Variants in KRR1 observed in about 807,000 individuals in gnomAD.
KRR1 encodes the protein KRR1 small subunit processome component homolog.
A neutral mutation model predicts 50.0 loss-of-function variants in KRR1; 23 were observed. The ratio of observed to expected loss-of-function variants is 0.46; its 90% CI spans 0.33 to 0.65. The LOEUF (loss-of-function observed/expected upper bound fraction) is 0.65. KRR1 is among the 30% of genes least tolerant of loss of function. The pLI is 0.02. For synonymous variants in KRR1, 133 were observed against 146.3 expected, an observed-to-expected ratio of 0.91 and a Z score of 0.66; for missense variants, 419 against 442.4, an observed-to-expected ratio of 0.95 and a Z score of 0.47.
Position 75,498,788 on chromosome 12 carries a change from C to T in KRR1, c.*1021G>A, listed in dbSNP as rs766627075. Reference sequence around the variant, plus strand: ...AATTCTGTCAGTGCATTATGAGGAACAATGTCTAAGAGGATATTCTATGTT... The same window carrying T: ...AATTCTGTCAGTGCATTATGAGGAATAATGTCTAAGAGGATATTCTATGTT... On this transcript the variant is annotated 3_prime_UTR_variant, in exon 10 of 10. Transcript: ENST00000229214. 2.5e-6 allele frequency: 4 copies of T among 1,609,714 alleles called. No individual in the cohort carries two copies. In the South Asian group the frequency reaches 3.3e-5, roughly 13 times the overall value.
At chr12:75,508,184 A>T in intron 2 of KRR1, 90 bp downstream of exon 2, 1 of 760,500 alleles carries the variant, frequency 1.3e-6, no homozygotes, top group Non-Finnish European at 1.9e-6. Flanking sequence ...GCACCATTAA[A>T]AAAAAAAAAA....
chr12:75,507,588 A>G (rs1185816074), intron 2 of KRR1, among the ~76,000 whole-genome samples: 4 of 152,194 alleles, frequency 2.6e-5, no homozygotes, highest in African/African-American at 9.7e-5. Context: ...AGATGCAGCT[A>G]CAAAACACAA....
In KRR1 at chr12:75,497,652, G is replaced by A. The variant is rs2046359355; in HGVS notation, c.*2157C>T. ...TGAAGGTAAAGGTTAGAGGATAAAA[G>A]CTTTTATTTAACAGATTCCTTCTCA... On this transcript the variant is annotated 3_prime_UTR_variant, in exon 10 of 10. Coordinates refer to ENST00000229214, the MANE Select transcript of KRR1 (RefSeq NM_007043.7). The A allele has an allele frequency of 6.6e-6, 1 of 152,156 alleles. No individual in the cohort carries two copies. The highest frequency in any genetic ancestry group is 2.1e-4 in the South Asian group (1 of 4,832). The allele number at this position is 152,156 out of a possible 1,614,324, so 9.4% of individuals were successfully genotyped here. A position where few individuals can be genotyped will look rare whatever the true frequency, so the allele number is the denominator to read the frequency against.
In KRR1 at chr12:75,499,705, A is replaced by C; in HGVS notation, c.*104T>G. On this transcript the variant is annotated 3_prime_UTR_variant, in exon 10 of 10. Transcript: ENST00000229214. ...ATGAACAACCACCACCACCAAAAAA[A>C]AAAAAAGCCCTCAGAAAATTTCTCA... 2 of 736,368 alleles carry C rather than the reference A, an allele frequency of 2.7e-6. No homozygotes were observed. The highest frequency in any genetic ancestry group is 4.1e-6 in the Non-Finnish European group (2 of 486,088). 45.6% of individuals were successfully genotyped at this position (736,368 alleles called of 1,614,324 possible).
rs2046354140 is a variant in KRR1, at chr12:75,496,758, T to C, written c.*3051A>G. The C allele has an allele frequency of 2.6e-5, 4 of 152,206 alleles. No homozygotes were observed. In the South Asian group the frequency reaches 8.3e-4, roughly 32 times the overall value. 9.4% of individuals were successfully genotyped at this position (152,206 alleles called of 1,614,324 possible). A position where few individuals can be genotyped will look rare whatever the true frequency, so the allele number is the denominator to read the frequency against. ...ATTTAGTTTGGAAAAAAGTGTTCCA[T>C]TGCTCATGTTTTATAAGGTCCCTTG... On this transcript the variant is annotated 3_prime_UTR_variant, in exon 10 of 10. Transcript: ENST00000229214.
chr12:75,511,480 A>T, intron 1 of KRR1, 33 bp downstream of exon 1: 1 of 1,589,378 alleles, frequency 6.3e-7, no homozygotes, highest in South Asian at 1.1e-5. Flanking sequence ...CAACGTACAC[A>T]AACCCCAGGC....
chr12:75,506,987 T>C, intron 2 of KRR1, 71 bp from the exon 3 acceptor site: 1 of 1,292,542 alleles, frequency 7.7e-7, no homozygotes, highest in Non-Finnish European at 1.0e-6. Context: ...AAGCCTCTCC[T>C]AACCAACCTA....
At chr12:75,502,155 A>T (rs1415827168) in intron 7 of KRR1, 155 bp from the exon 8 acceptor site, 1 of 621,090 alleles carries the variant, frequency 1.6e-6, no homozygotes, top group Admixed American at 2.8e-5. Flanking sequence ...GTCTAAGCTG[A>T]GGGGAATACA....
chr12:75,495,781 A>G lies in KRR1; in HGVS notation c.*4028T>C. On this transcript the variant is annotated 3_prime_UTR_variant, in exon 10 of 10. Transcript: ENST00000229214. ...GCTATCTTCAAGGAAACTGGCATCAAGTAGCAATTAAACCAATGGCTTACT... is the reference window on the plus strand; with the variant it reads ...GCTATCTTCAAGGAAACTGGCATCAGGTAGCAATTAAACCAATGGCTTACT... 1.6e-6 allele frequency: 1 copy of G among 609,324 alleles called. No homozygotes were observed. The allele number at this position is 609,324 out of a possible 1,614,324, so 37.7% of individuals were successfully genotyped here.
chr12:75,502,093 T>TG, intron 7 of KRR1, 93 bp from the exon 8 acceptor site: 1 of 989,940 alleles, frequency 1.0e-6, no homozygotes, highest in South Asian at 1.4e-5. Context: ...GTAAAAACAA[T>TG]GGGGTCAAAC....
chr12:75,505,131 AG>A, intron 6 of KRR1, 66 bp downstream of exon 6: 1 of 1,407,824 alleles, frequency 7.1e-7, no homozygotes, highest in Non-Finnish European at 9.6e-7. Flanking sequence ...TTTAATTTCA[AG>A]AAAGGTTTCT....
chr12:75,499,812 CTTTT>C lies in KRR1; in HGVS notation c.1139_1142del (p.Lys380SerfsTer8). 6.3e-7 allele frequency: 1 copy of C among 1,595,218 alleles called. No homozygotes were observed. The highest frequency in any genetic ancestry group is 1.1e-5 in the South Asian group (1 of 87,796). On this transcript the variant is annotated frameshift_variant, in exon 10 of 10. Coordinates refer to ENST00000229214, the MANE Select transcript of KRR1 (RefSeq NM_007043.7). LOFTEE classifies it high-confidence loss of function. Reference sequence around the variant, plus strand: ...TAGTCAAGGAGTTTTGGGTATGTTACTTTTTTTTCTTCTTTTTCTTTTCATCTGC... The same window carrying C: ...TAGTCAAGGAGTTTTGGGTATGTTACTTTTCTTCTTTTTCTTTTCATCTGC...
chr12:75,503,748 CTATT>C, intron 7 of KRR1, 152 bp downstream of exon 7: 2 of 607,326 alleles, frequency 3.3e-6, no homozygotes, highest in Admixed American at 3.2e-5. Context: ...CAAAATATGC[CTATT>C]TATATTTACC....
rs761658542 is a variant in KRR1 at position 75,506,615 on chromosome 12, G to GAAAA, written c.394-7_394-6insTTTT. On this transcript the variant is annotated splice_polypyrimidine_tract_variant and splice_region_variant and intron_variant, in intron 3 of 9. Coordinates refer to ENST00000229214, the MANE Select transcript of KRR1 (RefSeq NM_007043.7). ...TCCTGAAGAATTCGTACTGCCTTTT[G>GAAAA]CAAAAAAAAAAAAAAAAAGAAGACA... is the stretch of plus-strand genomic sequence containing the variant. The GAAAA allele has an allele frequency of 4.9e-6, 6 of 1,229,604 alleles. No individual in the cohort carries two copies. Among genetic ancestry groups the GAAAA allele is most frequent in the Non-Finnish European group, 5.1e-6 (5 of 979,024 alleles). 76.2% of individuals were successfully genotyped at this position (1,229,604 alleles called of 1,614,324 possible).
In KRR1 at chr12:75,490,986, C is replaced by T. The variant is rs1375297472; in HGVS notation, c.*8823G>A. On this transcript the variant is annotated 3_prime_UTR_variant, in exon 10 of 10. Coordinates refer to ENST00000229214, the MANE Select transcript of KRR1 (RefSeq NM_007043.7). ...AGTTGTTTTTAAAACAGATATAGTT[C>T]CCACTTTGGGAAACAGGGCAAACAC... 6.5e-6 allele frequency: 1 copy of T among 152,916 alleles called. No individual in the cohort carries two copies. The highest frequency in any genetic ancestry group is 1.5e-5 in the Non-Finnish European group (1 of 68,600). The allele number at this position is 152,916 out of a possible 1,614,324, so 9.5% of individuals were successfully genotyped here.
chr12:75,500,749 G>T (rs1330413236), intron 9 of KRR1: 1 of 151,888 alleles, frequency 6.6e-6, no homozygotes, highest in African/African-American at 2.4e-5. Flanking sequence ...CAGCATAAAA[G>T]AATCATAAGA....
At position 75,509,829 on chromosome 12, in the gene KRR1, T is replaced by TC. The variant is rs1438099473; in HGVS notation, c.86-1384dup. Among the ~76,000 whole-genome samples the TC allele has an allele frequency of 6.0e-5, 9 of 149,640 alleles. No individual in the cohort carries two copies. The South Asian group carries it at 8.4e-4, about 14-fold the overall frequency. On this transcript the variant is annotated intron_variant, in intron 1 of 9. Coordinates refer to ENST00000229214, the MANE Select transcript of KRR1 (RefSeq NM_007043.7). ...AGACTGGTCTCCTGGGCTCAAGCAA[T>TC]CCCCCCTCCTCAGCTTGCCAAAGTG...
rs2120582043 is a variant in KRR1 at position 75,499,384 on chromosome 12, C to T, written c.*425G>A. ...CTGTCTTTTTGGTTTACTACTTCCC[C>T]AGATTCAGAACAGAGGAGTAACTAG... On this transcript the variant is annotated 3_prime_UTR_variant, in exon 10 of 10. Transcript: ENST00000229214. The T allele has an allele frequency of 6.2e-6, 1 of 161,014 alleles. No individual in the cohort carries two copies. The highest frequency in any genetic ancestry group is 2.0e-4 in the South Asian group (1 of 5,084). 10.0% of individuals were successfully genotyped at this position (161,014 alleles called of 1,614,324 possible). A position where few individuals can be genotyped will look rare whatever the true frequency, so the allele number is the denominator to read the frequency against.
In KRR1 at chr12:75,498,612, AT is replaced by A; in HGVS notation, c.*1196del. On this transcript the variant is annotated 3_prime_UTR_variant, in exon 10 of 10. Coordinates refer to ENST00000229214, the MANE Select transcript of KRR1 (RefSeq NM_007043.7). Reference sequence around the variant, plus strand: ...CCAAAGCAAGTTAATGGTCATAATTATAAGACTTAGCTTTTTAAAATAAAAC... The same window carrying A: ...CCAAAGCAAGTTAATGGTCATAATTAAAGACTTAGCTTTTTAAAATAAAAC... 1 of 1,134,650 alleles carries A rather than the reference AT, an allele frequency of 8.8e-7. No homozygotes were observed. The highest frequency in any genetic ancestry group is 1.3e-6 in the Non-Finnish European group (1 of 755,278). 70.3% of individuals were successfully genotyped at this position (1,134,650 alleles called of 1,614,324 possible).
Sources: allele counts gnomAD v4.1 joint callset (sites outside exome capture counted in the v4.1 genomes callset), GRCh38; gene constraint gnomAD v4.1.1; transcripts MANE v1.5; gene names NCBI Gene and HGNC (gene_info 2026-07-23, HGNC 2026-07-21).